The following ELK3 variants were observed in gnomAD, a reference collection of about 807,000 sequenced individuals.
The protein encoded by ELK3 is ETS transcription factor ELK3, also known as ETS domain-containing protein Elk-3.
In ELK3, 10 loss-of-function variants were observed where a neutral mutation model predicts 28.9. The observed-to-expected ratio is 0.35, with a 90% CI of 0.21 to 0.59. ELK3 has a LOEUF of 0.59. Among genes scored for constraint, ELK3 ranks in the 20% least tolerant of loss-of-function variants. The pLI is 0.82. For synonymous variants in ELK3, 272 were observed against 243.5 expected, an observed-to-expected ratio of 1.12 and a Z score of -1.09; for missense variants, 463 against 517.3, an observed-to-expected ratio of 0.90 and a Z score of 1.02.
intron 1 of ELK3, among the ~76,000 whole-genome samples, chr12:96,201,150 C>T (rs1299591277): frequency 6.7e-6 from 1 of 150,244 alleles, no homozygotes; most frequent in African/African-American, 2.5e-5. Flanking sequence ...TAGATTTCCT[C>T]ATCATACAGT....
chr12:96,259,484 T>G (rs2137042189), intron 3 of ELK3, among the ~76,000 whole-genome samples: 1 of 152,278 alleles, frequency 6.6e-6, no homozygotes, highest in East Asian at 1.9e-4. Context: ...AAGTGGAGGT[T>G]ATAGTGAACC....
At position 96,247,717 on chromosome 12, in the gene ELK3, G is replaced by T; in HGVS notation, c.985G>T (p.Ala329Ser). Reference sequence around the variant, plus strand: ...CCTCCCCTCGGGATCCCTCACCCCAGCCTTCTTCACCGCACAGGTAAGAGT... The same window carrying T: ...CCTCCCCTCGGGATCCCTCACCCCATCCTTCTTCACCGCACAGGTAAGAGT... ...PALPSGSLTP[A>S]FFTAQTPNGL... The change falls in exon 3 of 5, where the codon GCC (alanine) becomes TCC (serine). Residue 329 changes from alanine (A) to serine (S), a missense_variant. This residue lies in a region of ELK3 where 408 missense variants were observed against 414.8 expected (regional missense o/e 0.98). Transcript: ENST00000228741. The surrounding 1 kb of genome is among the most constrained non-coding windows in gnomAD (Gnocchi z 5.5). 4.4e-6 allele frequency: 7 copies of T among 1,588,278 alleles called. No individual in the cohort carries two copies. Among genetic ancestry groups the T allele is most frequent in the Non-Finnish European group, 6.0e-6 (7 of 1,168,094 alleles).
chr12:96,265,254 A>G (rs1318090261), intron 4 of ELK3, among the ~76,000 whole-genome samples: 1 of 152,254 alleles, frequency 6.6e-6, no homozygotes, highest in Non-Finnish European at 1.5e-5. Flanking sequence ...AAGAGAAACT[A>G]TGTCCATTGA....
chr12:96,237,099 C>T (rs752828672), intron 2 of ELK3, among the ~76,000 whole-genome samples: 2 of 152,160 alleles, frequency 1.3e-5, no homozygotes, highest in South Asian at 2.1e-4. Flanking sequence ...GATTCTGTCT[C>T]GACATCTTTA....
chr12:96,211,124 C>T (rs1268431710), intron 1 of ELK3, among the ~76,000 whole-genome samples: 1 of 152,156 alleles, frequency 6.6e-6, no homozygotes, highest in Non-Finnish European at 1.5e-5. Context: ...ATTTAGACAG[C>T]ATGTATAAAG....
At position 96,247,578 on chromosome 12, in the gene ELK3, C is replaced by T. The variant is rs775912382; in HGVS notation, c.846C>T (p.Thr282=). ...EPLNLSSGSK[T]KSPSLPPKAK... is the part of the protein sequence containing the mutation. The stretch of plus-strand genomic sequence containing the variant: ...TGAACCTGTCATCGGGCTCCAAGAC[C>T]AAGTCTCCATCTCTTCCCCCAAAGG... The change falls in exon 3 of 5, where the codon ACC becomes ACT. Residue 282 remains threonine (T), a synonymous_variant. Coordinates refer to ENST00000228741, the MANE Select transcript of ELK3 (RefSeq NM_005230.4). The surrounding 1 kb of genome is among the most constrained non-coding windows in gnomAD (Gnocchi z 5.5). 1.2e-6 allele frequency: 2 copies of T among 1,614,088 alleles called. No homozygotes were observed. The highest frequency in any genetic ancestry group is 3.3e-5 in the Admixed American group (2 of 60,026).
At chr12:96,216,907 C>T (rs1192566236) in intron 1 of ELK3, among the ~76,000 whole-genome samples, 1 of 152,216 alleles carries the variant, frequency 6.6e-6, no homozygotes, top group Non-Finnish European at 1.5e-5. Context: ...AGAATCTGCG[C>T]TTACCTTCCA....
At chr12:96,214,719 C>T (rs553376025) in intron 1 of ELK3, among the ~76,000 whole-genome samples, 5 of 152,196 alleles carry the variant, frequency 3.3e-5, no homozygotes, top group Admixed American at 6.5e-5. Flanking sequence ...TAAAAAACTT[C>T]AGAACTTGTA....
intron 1 of ELK3, among the ~76,000 whole-genome samples, chr12:96,214,288 G>A (rs543323828): frequency 5.3e-5 from 8 of 152,054 alleles, no homozygotes; most frequent in African/African-American, 1.4e-4. Context: ...AAAATGAGCC[G>A]GAGGCAGTGG....
intron 2 of ELK3, among the ~76,000 whole-genome samples, chr12:96,234,463 A>C (rs1004491359): frequency 6.6e-6 from 1 of 151,514 alleles, no homozygotes; most frequent in South Asian, 2.1e-4. Context: ...ACTCACAAAA[A>C]CTCCAACATT....
intron 2 of ELK3, among the ~76,000 whole-genome samples, chr12:96,235,542 C>T (rs2137024804): frequency 6.6e-6 from 1 of 152,272 alleles, no homozygotes; most frequent in Middle Eastern, 3.4e-3. Context: ...TGGAAAGTCA[C>T]TCAAGAGAGG....
At chr12:96,210,719 C>T (rs936762675) in intron 1 of ELK3, among the ~76,000 whole-genome samples, 8 of 152,130 alleles carry the variant, frequency 5.3e-5, no homozygotes, top group Admixed American at 1.3e-4. Context: ...ATTTAAACCA[C>T]GATACAGATC....
intron 1 of ELK3, among the ~76,000 whole-genome samples, chr12:96,206,877 C>G (rs1195218749): frequency 6.6e-6 from 1 of 152,178 alleles, no homozygotes; most frequent in Non-Finnish European, 1.5e-5. Context: ...TAACACCATT[C>G]TCTGGACATG....
intron 2 of ELK3, among the ~76,000 whole-genome samples, chr12:96,233,183 C>A (rs1365938449): frequency 6.6e-6 from 1 of 152,164 alleles, no homozygotes; most frequent in African/African-American, 2.4e-5. Flanking sequence ...AAAGGATGGG[C>A]TCTGGTATCC....
In ELK3 at chr12:96,221,552, C is replaced by T. The variant is rs150311811; in HGVS notation, c.-2-2013C>T. 2.0e-5 allele frequency among the ~76,000 whole-genome samples: 3 copies of T among 152,346 alleles called. No individual in the cohort carries two copies. In the East Asian group the frequency reaches 5.8e-4, roughly 29 times the overall value. The stretch of plus-strand genomic sequence containing the variant: ...TCAAAGATATGTTAAAGCTGACTGA[C>T]TGACATGTTTGGCCAAGAAAATCTC... On this transcript the variant is annotated intron_variant, in intron 1 of 4. Transcript: ENST00000228741.
intron 3 of ELK3, among the ~76,000 whole-genome samples, chr12:96,250,032 G>A (rs539526993): frequency 3.9e-4 from 60 of 152,328 alleles, no homozygotes; most frequent in Non-Finnish European, 7.5e-4. Context: ...CCTGAGGGGA[G>A]GGAGGCAACA....
intron 2 of ELK3, among the ~76,000 whole-genome samples, chr12:96,240,965 T>C (rs920725416): frequency 1.3e-5 from 2 of 152,152 alleles, no homozygotes; most frequent in African/African-American, 2.4e-5. Context: ...CGTAAATGGA[T>C]GGGTGAAATT....
At chr12:96,258,024 T>G (rs1164197046) in intron 3 of ELK3, among the ~76,000 whole-genome samples, 1 of 152,256 alleles carries the variant, frequency 6.6e-6, no homozygotes, top group Non-Finnish European at 1.5e-5. Context: ...TTGCAGTAGA[T>G]CAGCTTATTT....
At chr12:96,213,181 A>G (rs142128973) in intron 1 of ELK3, among the ~76,000 whole-genome samples, 2,105 of 152,342 alleles carry the variant, frequency 0.014, 43 homozygotes, top group Admixed American at 0.056. Context: ...GCGCAGTGCC[A>G]TGCTTTTTCC....
Sources: gnomAD v4.1 joint callset for allele counts (sites outside exome capture counted in the v4.1 genomes callset) on GRCh38, gnomAD v4.1.1 for gene constraint, gnomAD v4.1.1 regional missense constraint, Gnocchi (gnomAD v3.1) non-coding constraint, MANE v1.5 for transcripts, NCBI Gene and HGNC (gene_info 2026-07-23, HGNC 2026-07-21) for gene names.